Variants in ROR2 observed in about 807,000 individuals in gnomAD.
The protein encoded by ROR2 is ROR family WNT receptor 2, also known as tyrosine-protein kinase transmembrane receptor ROR2.
ROR2 carries 33 observed loss-of-function variants against 74.9 expected under a neutral mutation model. The observed-to-expected ratio is 0.44, with a 90% CI of 0.33 to 0.59. The LOEUF is 0.59. Ranked by LOEUF, ROR2 falls within the 20% of genes least tolerant of loss-of-function variation. The pLI is 0.02. For synonymous variants in ROR2, 586 were observed against 558.7 expected (o/e 1.05, Z -0.69); for missense variants, 1,216 against 1,313.8 (o/e 0.93, Z 1.15).
intron 1 of ROR2, among the ~76,000 whole-genome samples, chr9:91,929,033 C>T (rs10118781): frequency 1.3e-5 from 2 of 152,118 alleles, no homozygotes; most frequent in Non-Finnish European, 2.9e-5. Context: ...TTCATGCTGT[C>T]GAGCAAGGAA....
At chr9:91,860,384 A>G (rs1316537282) in intron 1 of ROR2, among the ~76,000 whole-genome samples, 2 of 152,200 alleles carry the variant, frequency 1.3e-5, no homozygotes, top group African/African-American at 4.8e-5. Flanking sequence ...TTGAGGGGGA[A>G]GATAGTCCAT....
intron 4 of ROR2, among the ~76,000 whole-genome samples, chr9:91,744,584 C>A (rs1825350465): frequency 6.6e-6 from 1 of 152,154 alleles, no homozygotes; most frequent in South Asian, 2.1e-4. Flanking sequence ...CTGTATATTA[C>A]TCTCTGCTTC....
chr9:91,933,322 T>C (rs1479459324), intron 1 of ROR2, among the ~76,000 whole-genome samples: 1 of 151,924 alleles, frequency 6.6e-6, no homozygotes, highest in South Asian at 2.1e-4. Context: ...TCAAAAAATA[T>C]AATACTTTGC....
intron 4 of ROR2, among the ~76,000 whole-genome samples, chr9:91,746,349 T>C (rs1367413568): frequency 6.6e-6 from 1 of 152,198 alleles, no homozygotes; most frequent in Non-Finnish European, 1.5e-5. Context: ...AGTGCTGGGA[T>C]TACAGGCCTG....
chr9:91,935,356 A>AC (rs541948472), intron 1 of ROR2, among the ~76,000 whole-genome samples: 256 of 152,184 alleles, frequency 1.7e-3, no homozygotes, highest in African/African-American at 5.7e-3. Flanking sequence ...TTCAGGGCCT[A>AC]CCCCTGTGCT....
intron 1 of ROR2, among the ~76,000 whole-genome samples, chr9:91,842,132 G>A (rs1828799807): frequency 6.6e-6 from 1 of 152,162 alleles, no homozygotes. Flanking sequence ...GAGAGAAAGA[G>A]AAGTAAGGAA....
intron 1 of ROR2, among the ~76,000 whole-genome samples, chr9:91,890,750 G>A (rs879652667): frequency 3.3e-5 from 5 of 152,134 alleles, no homozygotes; most frequent in Non-Finnish European, 7.4e-5. Context: ...GGACAGTAAC[G>A]GTGACAACAG....
At chr9:91,942,481 C>A (rs751615908) in intron 1 of ROR2, among the ~76,000 whole-genome samples, 2 of 152,088 alleles carry the variant, frequency 1.3e-5, no homozygotes, top group Non-Finnish European at 2.9e-5. Context: ...CAAATCAATC[C>A]GTACAGTTAT....
chr9:91,877,231 C>T (rs1005032773), intron 1 of ROR2, among the ~76,000 whole-genome samples: 2 of 152,200 alleles, frequency 1.3e-5, no homozygotes, highest in Non-Finnish European at 2.9e-5. Flanking sequence ...CAGCTTCCTA[C>T]ATTTGTGTCT....
At chr9:91,855,113 T>G (rs1203088075) in intron 1 of ROR2, among the ~76,000 whole-genome samples, 2 of 152,150 alleles carry the variant, frequency 1.3e-5, no homozygotes, top group African/African-American at 4.8e-5. Context: ...ATATCTTAAC[T>G]TTAAGTCAAA....
rs56231927 is a variant in ROR2, at chr9:91,724,282, G to A, written c.2212C>T (p.Arg738Cys). Residue 738 changes from arginine (R) to cysteine (C), a missense_variant, in exon 9 of 9, where the codon CGC becomes TGC. Transcript: ENST00000375708. ...CWNEFPSRRP[R>C]FKDIHSRLRA... ...AGCCGGCTGTGGATGTCCTTGAAGC[G>A]GGGCCGCCGGCTGGGGAACTCGTTC... The A allele has an allele frequency of 1.6e-4, 256 of 1,613,260 alleles. 2 individuals carry two copies. The East Asian group carries it at 5.1e-3, about 32-fold the overall frequency.
chr9:91,924,342 A>G (rs898250614), intron 1 of ROR2, among the ~76,000 whole-genome samples: 6 of 152,224 alleles, frequency 3.9e-5, no homozygotes, highest in African/African-American at 1.2e-4. Flanking sequence ...GAAGGTGTCC[A>G]TCGGGTCTCA....
At chr9:91,816,657 G>A (rs764037471) in intron 1 of ROR2, among the ~76,000 whole-genome samples, 2 of 151,566 alleles carry the variant, frequency 1.3e-5, no homozygotes, top group East Asian at 1.9e-4. Context: ...TGGCATCCGC[G>A]ATCCCCTCCT....
At chr9:91,851,973 T>TAAAA (rs61049113) in intron 1 of ROR2, among the ~76,000 whole-genome samples, 1 of 138,936 alleles carries the variant, frequency 7.2e-6, no homozygotes, top group Non-Finnish European at 1.6e-5. Context: ...AAGACTCTGT[T>TAAAA]AAAAAAAAAA....
At chr9:91,764,073 T>C (rs917131030) in intron 2 of ROR2, among the ~76,000 whole-genome samples, 3 of 152,232 alleles carry the variant, frequency 2.0e-5, no homozygotes, top group African/African-American at 7.2e-5. Flanking sequence ...GTCAAATAGC[T>C]TTTAGTAATT....
chr9:91,879,997 C>T (rs1272445095), intron 1 of ROR2, among the ~76,000 whole-genome samples: 1 of 152,114 alleles, frequency 6.6e-6, no homozygotes, highest in African/African-American at 2.4e-5. Context: ...AGCATAGCTC[C>T]TAATTATTAT....
intron 4 of ROR2, among the ~76,000 whole-genome samples, chr9:91,753,150 G>C (rs1479533626): frequency 1.3e-5 from 2 of 152,120 alleles, no homozygotes; most frequent in East Asian, 3.8e-4. Context: ...AGGAAATCAT[G>C]ACATTCTTTA....
chr9:91,761,252 T>C (rs1825906857), intron 2 of ROR2, among the ~76,000 whole-genome samples: 1 of 152,212 alleles, frequency 6.6e-6, no homozygotes, highest in African/African-American at 2.4e-5. Flanking sequence ...CAGGGACCAG[T>C]CTCATGGAAG....
intron 1 of ROR2, among the ~76,000 whole-genome samples, chr9:91,947,526 T>G (rs996355306): frequency 6.6e-6 from 1 of 152,250 alleles, no homozygotes; most frequent in African/African-American, 2.4e-5. Flanking sequence ...TTCTTCTAGA[T>G]GGATTTCTTC....
Sources: gnomAD v4.1 joint callset for allele counts (sites outside exome capture counted in the v4.1 genomes callset) on GRCh38, gnomAD v4.1.1 for gene constraint, MANE v1.5 for transcripts, NCBI Gene and HGNC (gene_info 2026-07-23, HGNC 2026-07-21) for gene names.